Variants in NRXN3 observed in about 807,000 individuals in gnomAD.
The protein encoded by NRXN3 is neurexin 3.
A neutral mutation model predicts 137.6 loss-of-function variants in NRXN3; 32 were observed. The observed-to-expected ratio is 0.23, with a 90% CI of 0.18 to 0.31. NRXN3 has a LOEUF of 0.31. Among genes scored for constraint, NRXN3 ranks in the 10% least tolerant of loss-of-function variants. The pLI, the probability that NRXN3 is intolerant of heterozygous loss-of-function variation, is 1.00. For missense variants in NRXN3, 1,574 were observed against 2,062.5 expected (o/e 0.76, Z 4.59); for synonymous variants, 798 against 784.5 (o/e 1.02, Z -0.29).
chr14:79,184,304 A>C lies in NRXN3; in HGVS notation c.3262+196163A>C, dbSNP rs574907413. Among the ~76,000 whole-genome samples the C allele has an allele frequency of 5.3e-4, 81 of 152,364 alleles. 1 individual carries two copies. The highest frequency in any genetic ancestry group is 1.9e-3 in the African/African-American group (80 of 41,578). On this transcript the variant is annotated intron_variant, in intron 15 of 20. Coordinates refer to ENST00000335750, the MANE Select transcript of NRXN3 (RefSeq NM_001330195.2). ...AAAAAAGACAAGGAAAGGAAACAGC[A>C]AGAGAAGATGATTCATGCTTATTGG...
At chr14:78,266,402 A>G (rs1967433) in intron 2 of NRXN3, among the ~76,000 whole-genome samples, 137,210 of 152,064 alleles carry the variant, frequency 0.9, 62,103 homozygotes, top group Middle Eastern at 0.98. Context: ...TGGTTCAAGC[A>G]ATTCTTCCAC....
At chr14:78,719,162 C>T (rs538154269) in intron 8 of NRXN3, among the ~76,000 whole-genome samples, 2 of 152,336 alleles carry the variant, frequency 1.3e-5, no homozygotes, top group African/African-American at 4.8e-5. Context: ...CCCTGAATGG[C>T]TTTTTCTAAA....
chr14:79,282,216 G>A (rs1330099224), intron 15 of NRXN3, among the ~76,000 whole-genome samples: 3 of 152,042 alleles, frequency 2.0e-5, no homozygotes, highest in Admixed American at 1.3e-4. Flanking sequence ...GGGACTGGGG[G>A]GAGCGGGTAA....
chr14:79,081,572 C>T lies in NRXN3; in HGVS notation c.3262+93431C>T, dbSNP rs544820549. ...GGCAGAGGTTGCAGTGAGCCAAGAT[C>T]GCCACTGCACTCCAGCCTGGGCGAC... On this transcript the variant is annotated intron_variant, in intron 15 of 20. Coordinates refer to ENST00000335750, the MANE Select transcript of NRXN3 (RefSeq NM_001330195.2). Among the ~76,000 whole-genome samples, 63 of 147,700 alleles carry T rather than the reference C, an allele frequency of 4.3e-4. 1 individual carries two copies. In the South Asian group the frequency reaches 0.013, roughly 30 times the overall value.
At chr14:79,094,587 TA>T (rs1191942596) in intron 15 of NRXN3, among the ~76,000 whole-genome samples, 1 of 152,236 alleles carries the variant, frequency 6.6e-6, no homozygotes, top group African/African-American at 2.4e-5. Flanking sequence ...GATACAGTTC[TA>T]AGGGATTAGT....
intron 15 of NRXN3, among the ~76,000 whole-genome samples, chr14:79,100,274 T>A (rs2051033436): frequency 6.6e-6 from 1 of 152,224 alleles, no homozygotes; most frequent in Non-Finnish European, 1.5e-5. Flanking sequence ...CCTACACATG[T>A]TCACATCTAG....
At chr14:79,318,533 A>G (rs1292524752) in intron 15 of NRXN3, among the ~76,000 whole-genome samples, 2 of 152,240 alleles carry the variant, frequency 1.3e-5, no homozygotes, top group Non-Finnish European at 2.9e-5. Flanking sequence ...ATCATCACCA[A>G]GATTCTAGAA....
intron 4 of NRXN3, among the ~76,000 whole-genome samples, chr14:78,332,537 A>G (rs780705896): frequency 1.3e-5 from 2 of 151,960 alleles, no homozygotes; most frequent in Non-Finnish European, 2.9e-5. Context: ...GCTCGTTTCG[A>G]ATTCCTGACC....
At chr14:78,560,093 G>A (rs1337354121) in intron 4 of NRXN3, among the ~76,000 whole-genome samples, 1 of 152,202 alleles carries the variant, frequency 6.6e-6, no homozygotes, top group African/African-American at 2.4e-5. Context: ...CTATGAAAGG[G>A]TGGTAGGATC....
At chr14:79,246,063 G>T (rs2075132340) in intron 15 of NRXN3, among the ~76,000 whole-genome samples, 1 of 152,094 alleles carries the variant, frequency 6.6e-6, no homozygotes, top group South Asian at 2.1e-4. Context: ...AAATATTGCT[G>T]GAACACTATA....
intron 15 of NRXN3, among the ~76,000 whole-genome samples, chr14:79,376,110 G>A (rs2094271257): frequency 6.8e-6 from 1 of 146,296 alleles, no homozygotes; most frequent in South Asian, 2.1e-4. Context: ...ATATACACGT[G>A]AATATATGTA....
At chr14:78,452,713 A>G (rs1012221468) in intron 4 of NRXN3, among the ~76,000 whole-genome samples, 1 of 152,212 alleles carries the variant, frequency 6.6e-6, no homozygotes, top group African/African-American at 2.4e-5. Context: ...AAGTGGTGCC[A>G]ATTTGGGTGC....
intron 19 of NRXN3, among the ~76,000 whole-genome samples, chr14:79,770,887 T>C (rs1568189803): frequency 6.6e-6 from 1 of 151,398 alleles, no homozygotes; most frequent in African/African-American, 2.4e-5. Flanking sequence ...GCAAGACTAA[T>C]AAAGAGAAAA....
At chr14:79,522,198 A>G (rs747055526) in intron 16 of NRXN3, among the ~76,000 whole-genome samples, 1 of 152,168 alleles carries the variant, frequency 6.6e-6, no homozygotes, top group Non-Finnish European at 1.5e-5. Context: ...GGTAGACACA[A>G]GTTGACACTG....
chr14:78,649,730 C>G (rs563225499), intron 5 of NRXN3, among the ~76,000 whole-genome samples: 5 of 151,724 alleles, frequency 3.3e-5, no homozygotes. Context: ...CTTTTTTTCT[C>G]CTTTCCCACT....
chr14:78,507,422 A>C (rs1807388089), intron 4 of NRXN3, among the ~76,000 whole-genome samples: 1 of 152,174 alleles, frequency 6.6e-6, no homozygotes, highest in African/African-American at 2.4e-5. Flanking sequence ...CCATTACTAC[A>C]GATGGTCACT....
In NRXN3 at chr14:79,393,343, A is replaced by G. The variant is rs150904656; in HGVS notation, c.3263-73878A>G. Among the ~76,000 whole-genome samples the G allele has an allele frequency of 8.5e-3, 1,302 of 152,352 alleles. 14 individuals are homozygous for G. The highest frequency in any genetic ancestry group is 0.03 in the African/African-American group (1,228 of 41,580). ...GAATATTCCACTTGCCATTTACAGC[A>G]TAGACAAGGACAGCAAAATGGAAAG... On this transcript the variant is annotated intron_variant, in intron 15 of 20. Transcript: ENST00000335750.
chr14:78,632,851 C>A (rs1490583646), intron 4 of NRXN3, among the ~76,000 whole-genome samples: 1 of 152,124 alleles, frequency 6.6e-6, no homozygotes, highest in African/African-American at 2.4e-5. Context: ...GTGTTTGTTT[C>A]ATTGAAGCAT....
chr14:79,190,155 A>G (rs2064093201), intron 15 of NRXN3, among the ~76,000 whole-genome samples: 2 of 152,158 alleles, frequency 1.3e-5, no homozygotes, highest in South Asian at 4.1e-4. Flanking sequence ...AGAAGGGGAA[A>G]ATATTCTTGT....
Sources: gnomAD v4.1 joint callset for allele counts (sites outside exome capture counted in the v4.1 genomes callset) on GRCh38, gnomAD v4.1.1 for gene constraint, MANE v1.5 for transcripts, NCBI Gene and HGNC (gene_info 2026-07-23, HGNC 2026-07-21) for gene names.